TMEM225B: variants seen among roughly 807,000 people sequenced by gnomAD.
The protein encoded by TMEM225B is transmembrane protein 225B.
A neutral mutation model predicts 16.9 loss-of-function variants in TMEM225B; 10 were observed. The ratio of observed to expected loss-of-function variants is 0.59; its 90% CI spans 0.36 to 1.00. The LOEUF (loss-of-function observed/expected upper bound fraction) is 1.00. TMEM225B is among the 50% of genes least tolerant of loss of function. The pLI, the probability that TMEM225B is intolerant of heterozygous loss-of-function variation, is 0.01. For missense variants in TMEM225B, 217 were observed against 267.0 expected (o/e 0.81, Z 1.30); for synonymous variants, 92 against 109.8 (o/e 0.84, Z 1.01).
At chr7:99,603,113 C>T (rs1198944037) in intron 2 of TMEM225B, among the ~76,000 whole-genome samples, 1 of 152,148 alleles carries the variant, frequency 6.6e-6, no homozygotes, top group Non-Finnish European at 1.5e-5. Context: ...ACTGAGGGCC[C>T]AGGCTGCAGG....
chr7:99,606,529 A>AT (rs1039350643), intron 3 of TMEM225B, among the ~76,000 whole-genome samples: 1 of 152,012 alleles, frequency 6.6e-6, no homozygotes, highest in Admixed American at 6.6e-5. Flanking sequence ...TGTCAATTTA[A>AT]TTTTTTTTCC....
chr7:99,606,960 G>A, intron 4 of TMEM225B, 66 bp downstream of exon 4: 8 of 1,495,488 alleles, frequency 5.3e-6, no homozygotes, highest in Non-Finnish European at 7.2e-6. Flanking sequence ...AGAAAGAGGG[G>A]TGCTCAGTCT....
chr7:99,609,912 T>G (rs1584326335), intron 5 of TMEM225B, among the ~76,000 whole-genome samples: 1 of 152,166 alleles, frequency 6.6e-6, no homozygotes, highest in South Asian at 2.1e-4. Context: ...TTTTAATTTT[T>G]TTTTGGTAAA....
chr7:99,599,772 G>A (rs575874289), intron 1 of TMEM225B, among the ~76,000 whole-genome samples: 1 of 152,338 alleles, frequency 6.6e-6, no homozygotes, highest in African/African-American at 2.4e-5. Flanking sequence ...ATTGGTGGCT[G>A]GTGAGACTGT....
intron 3 of TMEM225B, 41 bp downstream of exon 3, chr7:99,604,637 G>A (rs1191878923): frequency 6.8e-7 from 1 of 1,471,050 alleles, no homozygotes; most frequent in Non-Finnish European, 9.2e-7. Context: ...GAGGGAGATG[G>A]GGCCAGTGTT....
rs35501095 is a variant in TMEM225B, at chr7:99,608,734, TACACACACACACACAC to T, written c.493+940_493+955del. On this transcript the variant is annotated intron_variant, in intron 5 of 5. Coordinates refer to ENST00000431679, the MANE Select transcript of TMEM225B (RefSeq NM_001195541.3). ...AAAAAAAAATATATATATATATATATACACACACACACACACACACACACACACACATATTTATATA... is the reference window on the plus strand; with the variant it reads ...AAAAAAAAATATATATATATATATATACACACACACACACATATTTATATA... 2.2e-3 allele frequency among the ~76,000 whole-genome samples: 248 copies of T among 113,714 alleles called. 1 individual carries two copies. The highest frequency in any genetic ancestry group is 0.015 in the East Asian group (68 of 4,574). 74.6% of individuals were successfully genotyped at this position (113,714 alleles called of 152,430 possible).
chr7:99,608,750 C>T lies in TMEM225B; in HGVS notation c.493+940C>T, dbSNP rs1433460268. ...ATATATATATACACACACACACACA[C>T]ACACACACACACACATATTTATATA... On this transcript the variant is annotated intron_variant, in intron 5 of 5. Transcript: ENST00000431679. 2.7e-5 allele frequency among the ~76,000 whole-genome samples: 4 copies of T among 147,872 alleles called. No homozygotes were observed. The East Asian group carries it at 6.0e-4, about 22-fold the overall frequency.
At position 99,604,374 on chromosome 7, in the gene TMEM225B, T is replaced by A. The variant is rs1438393705; in HGVS notation, c.-3-12T>A. On this transcript the variant is annotated splice_polypyrimidine_tract_variant and intron_variant, in intron 2 of 5. Transcript: ENST00000431679. Reference sequence around the variant, plus strand: ...GGTGTCCCACCTCCACGATCACTTTTCTCTTACACAGGTGATGCTGACGTT... The same window carrying A: ...GGTGTCCCACCTCCACGATCACTTTACTCTTACACAGGTGATGCTGACGTT... 10 of 1,531,890 alleles carry A rather than the reference T, an allele frequency of 6.5e-6. No homozygotes were observed. Among genetic ancestry groups the A allele is most frequent in the Non-Finnish European group, 8.7e-6 (10 of 1,143,208 alleles). 94.9% of individuals were successfully genotyped at this position (1,531,890 alleles called of 1,614,324 possible).
At chr7:99,606,712 T>C (rs942662640) in intron 3 of TMEM225B, 36 bp from the exon 4 acceptor site, 2 of 1,532,452 alleles carry the variant, frequency 1.3e-6, no homozygotes, top group African/African-American at 2.7e-5. Context: ...CGGGTCAGGG[T>C]TCCCAGCTTC....
intron 1 of TMEM225B, among the ~76,000 whole-genome samples, chr7:99,599,654 AT>A (rs1282578679): frequency 6.6e-6 from 1 of 152,240 alleles, no homozygotes; most frequent in Non-Finnish European, 1.5e-5. Context: ...GCAGTCGTAT[AT>A]TCCCCCATTC....
chr7:99,607,827 C>A lies in TMEM225B; in HGVS notation c.493+17C>A. ...TAGTGGCTGGTGAGTGTCCAGGGAA[C>A]AGTGCCCTGCTTCTTGTCCTCGGTC... On this transcript the variant is annotated intron_variant, in intron 5 of 5. Coordinates refer to ENST00000431679, the MANE Select transcript of TMEM225B (RefSeq NM_001195541.3). 1 of 1,533,684 alleles carries A rather than the reference C, an allele frequency of 6.5e-7. No individual in the cohort carries two copies. The highest frequency in any genetic ancestry group is 1.2e-5 in the South Asian group (1 of 83,726).
At chr7:99,601,294 A>G (rs534141851) in intron 2 of TMEM225B, among the ~76,000 whole-genome samples, 14 of 152,304 alleles carry the variant, frequency 9.2e-5, no homozygotes, top group African/African-American at 3.1e-4. Flanking sequence ...GAAAGGGGAC[A>G]TTTAAAGAGA....
chr7:99,607,584 C>A, intron 4 of TMEM225B, 89 bp from the exon 5 acceptor site: 1 of 1,334,118 alleles, frequency 7.5e-7, no homozygotes, highest in Non-Finnish European at 1.0e-6. Context: ...GATGAAGGAG[C>A]CTCCAGGCAG....
Position 99,600,303 on chromosome 7 carries a change from T to A in TMEM225B, c.-4+18T>A, listed in dbSNP as rs1438363210. 1 of 702,740 alleles carries A rather than the reference T, an allele frequency of 1.4e-6. No individual in the cohort carries two copies. 43.5% of individuals were successfully genotyped at this position (702,740 alleles called of 1,614,324 possible). A position where few individuals can be genotyped will look rare whatever the true frequency, so the allele number is the denominator to read the frequency against. ...GGCGACCTGTAAGTGCACAGTGAAT[T>A]TTTGCTGAGGGAGTGGCTGGGAGGG... On this transcript the variant is annotated intron_variant, in intron 2 of 5. Coordinates refer to ENST00000431679, the MANE Select transcript of TMEM225B (RefSeq NM_001195541.3).
Position 99,610,979 on chromosome 7 carries a change from G to A in TMEM225B, c.*414G>A, listed in dbSNP as rs1488633252. On this transcript the variant is annotated 3_prime_UTR_variant, in exon 6 of 6. Coordinates refer to ENST00000431679, the MANE Select transcript of TMEM225B (RefSeq NM_001195541.3). ...AACTATTTGGGCTGGTGGCACAGGGGTAAAAGAATTTACCAAGACGGTTGT... is the reference window on the plus strand; with the variant it reads ...AACTATTTGGGCTGGTGGCACAGGGATAAAAGAATTTACCAAGACGGTTGT... Among the ~76,000 whole-genome samples, 1 of 152,108 alleles carries A rather than the reference G, an allele frequency of 6.6e-6. No individual in the cohort carries two copies. Among genetic ancestry groups the A allele is most frequent in the African/African-American group, 2.4e-5 (1 of 41,388 alleles).
intron 1 of TMEM225B, among the ~76,000 whole-genome samples, chr7:99,599,879 T>C (rs1321222700): frequency 6.6e-6 from 1 of 152,246 alleles, no homozygotes; most frequent in Non-Finnish European, 1.5e-5. Flanking sequence ...CCATCTCTGC[T>C]TCTGTACAAA....
intron 1 of TMEM225B, among the ~76,000 whole-genome samples, chr7:99,598,834 T>C (rs995139433): frequency 1.3e-4 from 20 of 152,186 alleles, no homozygotes; most frequent in Non-Finnish European, 2.6e-4. Context: ...GGTGCGGGGC[T>C]GCAGCTCAGG....
intron 5 of TMEM225B, among the ~76,000 whole-genome samples, 184 bp downstream of exon 5, chr7:99,607,994 C>G (rs1805969075): frequency 6.6e-6 from 1 of 152,220 alleles, no homozygotes; most frequent in Non-Finnish European, 1.5e-5. Flanking sequence ...GTGGTTCACA[C>G]CTGTAATTCC....
At chr7:99,602,841 T>C (rs956688788) in intron 2 of TMEM225B, among the ~76,000 whole-genome samples, 3 of 152,124 alleles carry the variant, frequency 2.0e-5, no homozygotes, top group African/African-American at 7.2e-5. Context: ...TCCTCCCAAG[T>C]AGCTGGGAAC....
Sources: gnomAD v4.1 joint callset for allele counts (sites outside exome capture counted in the v4.1 genomes callset) on GRCh38, gnomAD v4.1.1 for gene constraint, MANE v1.5 for transcripts, NCBI Gene and HGNC (gene_info 2026-07-23, HGNC 2026-07-21) for gene names.